The following CDH12 variants were observed in gnomAD, a reference collection of about 807,000 sequenced individuals.
The protein encoded by CDH12 is cadherin 12.
CDH12 carries 41 observed loss-of-function variants against 74.1 expected under a neutral mutation model. That is an observed-to-expected ratio of 0.55 (90% confidence interval 0.43 to 0.72). CDH12 has a LOEUF of 0.72. CDH12 is among the 30% of genes least tolerant of loss of function. The probability of loss-of-function intolerance (pLI) is 0.00; values close to 1 mark genes in which losing one functional copy is unlikely to be tolerated. For synonymous variants in CDH12, 399 were observed against 355.0 expected (o/e 1.12, Z -1.39); for missense variants, 945 against 977.2 (o/e 0.97, Z 0.44).
chr5:22,013,288 C>T (rs1737402050), intron 5 of CDH12, among the ~76,000 whole-genome samples: 1 of 152,052 alleles, frequency 6.6e-6, no homozygotes. Context: ...CTTATAAAAC[C>T]ATCAGATAAC....
At chr5:22,294,333 A>T (rs1196498430) in intron 3 of CDH12, among the ~76,000 whole-genome samples, 1 of 152,182 alleles carries the variant, frequency 6.6e-6, no homozygotes, top group Non-Finnish European at 1.5e-5. Flanking sequence ...AGTTTCTTAG[A>T]ATAAAACATT....
At chr5:21,926,124 T>A (rs1452781648) in intron 6 of CDH12, among the ~76,000 whole-genome samples, 4 of 152,162 alleles carry the variant, frequency 2.6e-5, no homozygotes, top group African/African-American at 9.7e-5. Context: ...TCAGACACTT[T>A]GATGTGTTGT....
intron 11 of CDH12, among the ~76,000 whole-genome samples, chr5:21,767,665 G>A (rs1745102139): frequency 6.6e-6 from 1 of 151,536 alleles, no homozygotes; most frequent in African/African-American, 2.4e-5. Flanking sequence ...TTCAAATAGA[G>A]AGAAAATAAC....
At chr5:21,823,771 A>T (rs1363909612) in intron 8 of CDH12, among the ~76,000 whole-genome samples, 5 of 152,142 alleles carry the variant, frequency 3.3e-5, no homozygotes, top group African/African-American at 1.2e-4. Context: ...AAGAAAAAAA[A>T]ATGATGTTGC....
chr5:22,493,216 G>C (rs899199784), intron 2 of CDH12, among the ~76,000 whole-genome samples: 2 of 152,126 alleles, frequency 1.3e-5, no homozygotes, highest in African/African-American at 4.8e-5. Flanking sequence ...TAAACTCCCA[G>C]TGTGCCTCTA....
chr5:22,568,311 A>G (rs539878306), intron 1 of CDH12, among the ~76,000 whole-genome samples: 85 of 152,344 alleles, frequency 5.6e-4, no homozygotes, highest in African/African-American at 2.0e-3. Context: ...TATAAAAAGT[A>G]TATGATTATT....
intron 4 of CDH12, among the ~76,000 whole-genome samples, chr5:22,167,567 A>T (rs578025317): frequency 6.6e-6 from 1 of 152,284 alleles, no homozygotes; most frequent in Admixed American, 6.5e-5. Flanking sequence ...TCTCTTCTGT[A>T]GGCCTGGAAT....
chr5:21,866,330 CAGA>C (rs1234775465), intron 6 of CDH12, among the ~76,000 whole-genome samples: 1 of 152,138 alleles, frequency 6.6e-6, no homozygotes, highest in Non-Finnish European at 1.5e-5. Flanking sequence ...TTGGAGGGCT[CAGA>C]AGAAGACAGG....
chr5:22,246,789 C>G (rs1313147048), intron 3 of CDH12, among the ~76,000 whole-genome samples: 1 of 152,054 alleles, frequency 6.6e-6, no homozygotes, highest in East Asian at 1.9e-4. Flanking sequence ...GAAAGTATTT[C>G]AAGATGTAGT....
chr5:22,576,838 A>G (rs1340678789), intron 1 of CDH12, among the ~76,000 whole-genome samples: 2 of 152,156 alleles, frequency 1.3e-5, no homozygotes, highest in African/African-American at 4.8e-5. Context: ...ATTTGTGCCA[A>G]GGGAAAGATG....
intron 4 of CDH12, among the ~76,000 whole-genome samples, chr5:22,137,141 C>T (rs1171069909): frequency 6.6e-6 from 1 of 151,870 alleles, no homozygotes; most frequent in Non-Finnish European, 1.5e-5. Flanking sequence ...TCTTACAACT[C>T]AAAACTTGCC....
chr5:22,566,527 C>T (rs1050282602), intron 1 of CDH12, among the ~76,000 whole-genome samples: 2 of 152,016 alleles, frequency 1.3e-5, no homozygotes, highest in Non-Finnish European at 2.9e-5. Context: ...TATGAGCCAC[C>T]GCGCCCAGCT....
At chr5:22,816,813 T>C (rs1281099456) in intron 1 of CDH12, among the ~76,000 whole-genome samples, 1 of 152,148 alleles carries the variant, frequency 6.6e-6, no homozygotes, top group African/African-American at 2.4e-5. Flanking sequence ...TCCACTGATA[T>C]TTGGGTAGAG....
At chr5:22,202,203 T>A (rs868197012) in intron 4 of CDH12, among the ~76,000 whole-genome samples, 1 of 76,094 alleles carries the variant, frequency 1.3e-5, no homozygotes, top group Non-Finnish European at 2.7e-5. Context: ...TCCTTCCTTC[T>A]TTCAACATAT....
intron 2 of CDH12, among the ~76,000 whole-genome samples, chr5:22,488,768 C>A (rs1746714760): frequency 6.6e-6 from 1 of 152,106 alleles, no homozygotes; most frequent in Non-Finnish European, 1.5e-5. Flanking sequence ...TCATCAGCCC[C>A]TCCTGCAGAA....
chr5:22,148,282 C>A (rs971360728), intron 4 of CDH12, among the ~76,000 whole-genome samples: 1 of 152,148 alleles, frequency 6.6e-6, no homozygotes, highest in Admixed American at 6.6e-5. Flanking sequence ...TGCTGCATTT[C>A]CAAAATCACT....
chr5:21,991,531 T>TATATATATATAAATTA (rs1757751925), intron 5 of CDH12, among the ~76,000 whole-genome samples: 1 of 136,622 alleles, frequency 7.3e-6, no homozygotes, highest in African/African-American at 2.7e-5. Context: ...TATATATAGG[T>TATATATATATAAATTA]TATATATAAT....
chr5:22,127,432 G>A (rs552482714), intron 4 of CDH12, among the ~76,000 whole-genome samples: 75 of 148,258 alleles, frequency 5.1e-4, no homozygotes, highest in African/African-American at 1.7e-3. Flanking sequence ...TGCCAAGACC[G>A]CATCATTGCA....
intron 2 of CDH12, among the ~76,000 whole-genome samples, chr5:22,415,082 A>T (rs1743325837): frequency 6.6e-6 from 1 of 152,176 alleles, no homozygotes; most frequent in Non-Finnish European, 1.5e-5. Flanking sequence ...TTTGCAGATT[A>T]GCATGAAAGC....
Sources: allele counts gnomAD v4.1 joint callset (sites outside exome capture counted in the v4.1 genomes callset), GRCh38; gene constraint gnomAD v4.1.1; transcripts MANE v1.5; gene names NCBI Gene and HGNC (gene_info 2026-07-23, HGNC 2026-07-21).